Variants in CRTAC1 observed in about 807,000 individuals in gnomAD.
CRTAC1 encodes acidic secreted protein in cartilage.
A neutral mutation model predicts 67.8 loss-of-function variants in CRTAC1; 37 were observed. That is an observed-to-expected ratio of 0.55 (90% CI 0.42 to 0.72). CRTAC1 has a LOEUF of 0.72. Among genes scored for constraint, CRTAC1 ranks in the 30% least tolerant of loss-of-function variants. The pLI, the probability that CRTAC1 is intolerant of heterozygous loss-of-function variation, is 0.00. For missense variants in CRTAC1, 780 were observed against 931.6 expected (o/e 0.84, Z 2.12); for synonymous variants, 348 against 371.0 (o/e 0.94, Z 0.71).
chr10:97,964,287 G>A (rs998914973), intron 2 of CRTAC1, among the ~76,000 whole-genome samples: 2 of 152,210 alleles, frequency 1.3e-5, no homozygotes, highest in Non-Finnish European at 2.9e-5. Flanking sequence ...GGAAGCATGT[G>A]AGAAATGACA....
intron 3 of CRTAC1, among the ~76,000 whole-genome samples, chr10:97,927,992 C>T (rs923906616): frequency 2.6e-5 from 4 of 152,248 alleles, no homozygotes; most frequent in Admixed American, 6.5e-5. Flanking sequence ...GGCAGCTGCT[C>T]GGGAAGAGGT....
At chr10:98,002,130 A>T (rs904995156) in intron 2 of CRTAC1, among the ~76,000 whole-genome samples, 5 of 152,030 alleles carry the variant, frequency 3.3e-5, no homozygotes, top group South Asian at 4.1e-4. Context: ...CCCACCGCTT[A>T]AAAAAAATGG....
chr10:97,879,285 G>A (rs2050181200), intron 14 of CRTAC1, among the ~76,000 whole-genome samples: 1 of 152,150 alleles, frequency 6.6e-6, no homozygotes, highest in Admixed American at 6.5e-5. Context: ...AAACAGCACA[G>A]GCCAAACCAG....
intron 2 of CRTAC1, among the ~76,000 whole-genome samples, chr10:97,956,140 C>G (rs1379656151): frequency 1.3e-5 from 2 of 152,182 alleles, no homozygotes; most frequent in Non-Finnish European, 2.9e-5. Context: ...TTGACTGACA[C>G]CAAGTTCTTC....
intron 1 of CRTAC1, among the ~76,000 whole-genome samples, chr10:98,026,662 C>T (rs1422700544): frequency 2.0e-5 from 3 of 152,170 alleles, no homozygotes; most frequent in Non-Finnish European, 2.9e-5. Context: ...GAAGCTCCAA[C>T]TTCATCTTCT....
intron 14 of CRTAC1, among the ~76,000 whole-genome samples, chr10:97,876,345 T>TA (rs756282242): frequency 1.3e-5 from 2 of 152,342 alleles, no homozygotes; most frequent in Middle Eastern, 6.8e-3. Context: ...TTGATTATTG[T>TA]AAAGAGTTTA....
intron 2 of CRTAC1, among the ~76,000 whole-genome samples, chr10:97,977,111 T>C (rs562701824): frequency 6.6e-6 from 1 of 152,278 alleles, no homozygotes; most frequent in East Asian, 1.9e-4. Context: ...TACTGCCAAA[T>C]TAGTATGGGG....
At chr10:97,913,302 G>A (rs1459555086) in intron 5 of CRTAC1, among the ~76,000 whole-genome samples, 1 of 152,140 alleles carries the variant, frequency 6.6e-6, no homozygotes, top group African/African-American at 2.4e-5. Context: ...AGCCTGGGCA[G>A]GACTTGACTG....
intron 11 of CRTAC1, among the ~76,000 whole-genome samples, chr10:97,892,190 C>T (rs2136552339): frequency 6.6e-6 from 1 of 152,306 alleles, no homozygotes; most frequent in African/African-American, 2.4e-5. Context: ...GTTAAAAAAG[C>T]AATCTATTCT....
At chr10:97,880,432 G>A (rs1472288200) in intron 13 of CRTAC1, 40 bp from the exon 14 acceptor site, 1 of 1,601,648 alleles carries the variant, frequency 6.2e-7, no homozygotes, top group Non-Finnish European at 8.5e-7. Flanking sequence ...AAGGTGTGGG[G>A]CAGCAAGTAC....
At chr10:97,948,899 G>A (rs575052742) in intron 2 of CRTAC1, among the ~76,000 whole-genome samples, 1 of 152,190 alleles carries the variant, frequency 6.6e-6, no homozygotes, top group Non-Finnish European at 1.5e-5. Context: ...GCAGAGCAAG[G>A]AGTGGGGGAA....
chr10:97,885,507 G>A lies in CRTAC1; in HGVS notation c.1487-1156C>T, dbSNP rs80067543. Among the ~76,000 whole-genome samples, 450 of 152,312 alleles carry A rather than the reference G, an allele frequency of 3.0e-3. 1 individual carries two copies. The highest frequency in any genetic ancestry group is 0.028 in the East Asian group (146 of 5,188). On this transcript the variant is annotated intron_variant, in intron 11 of 14. Transcript: ENST00000370597. The stretch of plus-strand genomic sequence containing the variant: ...CATTTGCACACAACCCTAAAGCAAC[G>A]TGCCACATCATTGGTGGAAAGCAGG...
chr10:97,970,693 T>G (rs1364829873), intron 2 of CRTAC1, among the ~76,000 whole-genome samples: 2 of 152,246 alleles, frequency 1.3e-5, no homozygotes, highest in Non-Finnish European at 2.9e-5. Flanking sequence ...ACTTATGCCA[T>G]CTGACATATT....
intron 5 of CRTAC1, among the ~76,000 whole-genome samples, chr10:97,914,852 C>G (rs1244616401): frequency 6.6e-6 from 1 of 152,192 alleles, no homozygotes; most frequent in Non-Finnish European, 1.5e-5. Context: ...CCTACTGCCC[C>G]AGTCTCTCTC....
At chr10:98,000,425 G>T (rs1842666663) in intron 2 of CRTAC1, among the ~76,000 whole-genome samples, 1 of 152,196 alleles carries the variant, frequency 6.6e-6, no homozygotes, top group Non-Finnish European at 1.5e-5. Flanking sequence ...GCCTTGCAGA[G>T]AGCAGGCACC....
Position 97,940,532 on chromosome 10 carries a change from T to C in CRTAC1, c.225-4166A>G, listed in dbSNP as rs549616764. 3.9e-5 allele frequency among the ~76,000 whole-genome samples: 6 copies of C among 152,350 alleles called. No homozygotes were observed. In the South Asian group the frequency reaches 1.2e-3, roughly 32 times the overall value. On this transcript the variant is annotated intron_variant, in intron 2 of 14. Coordinates refer to ENST00000370597, the MANE Select transcript of CRTAC1 (RefSeq NM_018058.7). ...TGGGCTCAGTGGCAACTGTAAAATA[T>C]GCTTGAGAGACGCCATCAAGGGCAT...
At chr10:97,972,684 A>C (rs913534801) in intron 2 of CRTAC1, among the ~76,000 whole-genome samples, 4 of 152,274 alleles carry the variant, frequency 2.6e-5, no homozygotes, top group African/African-American at 9.6e-5. Context: ...ATTGATAGGG[A>C]AATGGTTGCA....
At chr10:97,934,722 C>G (rs959255171) in intron 3 of CRTAC1, among the ~76,000 whole-genome samples, 2 of 152,132 alleles carry the variant, frequency 1.3e-5, no homozygotes, top group East Asian at 1.9e-4. Flanking sequence ...GATGACTGCT[C>G]AAGTCTGAAC....
intron 8 of CRTAC1, among the ~76,000 whole-genome samples, chr10:97,900,658 T>C (rs2050523309): frequency 7.1e-6 from 1 of 140,692 alleles, no homozygotes; most frequent in Non-Finnish European, 1.5e-5. Flanking sequence ...TCTGTGGTAG[T>C]GATTGGACCC....
Sources: gnomAD v4.1 joint callset for allele counts (sites outside exome capture counted in the v4.1 genomes callset) on GRCh38, gnomAD v4.1.1 for gene constraint, MANE v1.5 for transcripts, NCBI Gene and HGNC (gene_info 2026-07-23, HGNC 2026-07-21) for gene names.